The following LRRC4C variants were observed in gnomAD, a reference collection of about 807,000 sequenced individuals.
LRRC4C encodes leucine-rich repeat-containing protein 4C.
LRRC4C carries 5 observed loss-of-function variants against 33.6 expected under a neutral mutation model. That is an observed-to-expected ratio of 0.15 (90% CI 0.08 to 0.31). LRRC4C has a LOEUF of 0.31. LRRC4C is among the 10% of genes least tolerant of loss of function. The pLI, the probability that LRRC4C is intolerant of heterozygous loss-of-function variation, is 1.00. For missense variants in LRRC4C, 560 were observed against 796.7 expected (o/e 0.70, Z 3.58); for synonymous variants, 329 against 302.0 (o/e 1.09, Z -0.93).
chr11:40,880,344 C>G (rs1283276971), intron 2 of LRRC4C, among the ~76,000 whole-genome samples: 1 of 152,056 alleles, frequency 6.6e-6, no homozygotes, highest in East Asian at 1.9e-4. Context: ...CATTAAGTCA[C>G]TAAACTCTGA....
chr11:41,304,099 C>T (rs1392353435), intron 1 of LRRC4C, among the ~76,000 whole-genome samples: 3 of 74,786 alleles, frequency 4.0e-5, no homozygotes, highest in African/African-American at 1.0e-4. Context: ...TGAGGGGCGC[C>T]TCTGCCCGGC....
chr11:40,282,104 T>G (rs1430638059), intron 4 of LRRC4C, among the ~76,000 whole-genome samples: 1 of 152,166 alleles, frequency 6.6e-6, no homozygotes, highest in East Asian at 1.9e-4. Flanking sequence ...TCTTTCGCAC[T>G]TTTGGAGGCC....
chr11:41,162,770 C>T (rs1944531321), intron 1 of LRRC4C, among the ~76,000 whole-genome samples: 1 of 152,112 alleles, frequency 6.6e-6, no homozygotes, highest in African/African-American at 2.4e-5. Flanking sequence ...TTGGGAGAGC[C>T]AGTGAATGAA....
chr11:41,043,604 A>G (rs148235546), intron 1 of LRRC4C, among the ~76,000 whole-genome samples: 1 of 151,252 alleles, frequency 6.6e-6, no homozygotes, highest in East Asian at 2.0e-4. Context: ...AGAAAACTCA[A>G]TTACTCTTAC....
Position 41,025,453 on chromosome 11 carries a change from T to C in LRRC4C, c.-495-91730A>G, listed in dbSNP as rs946536346. ...TAAAAGATCAAGCAAACCACAACAT[T>C]CCCTAAATGAAAGACTAATCCAGAC... On this transcript the variant is annotated intron_variant, in intron 1 of 6. Coordinates refer to ENST00000528697, the MANE Select transcript of LRRC4C (RefSeq NM_001258419.2). 6.1e-4 allele frequency among the ~76,000 whole-genome samples: 93 copies of C among 151,466 alleles called. 1 individual carries two copies. The highest frequency in any genetic ancestry group is 2.1e-3 in the African/African-American group (88 of 41,374).
intron 1 of LRRC4C, among the ~76,000 whole-genome samples, chr11:41,191,154 A>G (rs1227250670): frequency 6.6e-6 from 1 of 152,154 alleles, no homozygotes; most frequent in Non-Finnish European, 1.5e-5. Flanking sequence ...ATTGCTTTGC[A>G]TTTGGTCCCA....
At chr11:40,679,152 C>T (rs545384456) in intron 2 of LRRC4C, among the ~76,000 whole-genome samples, 18 of 152,078 alleles carry the variant, frequency 1.2e-4, no homozygotes, top group Non-Finnish European at 2.2e-4. Context: ...TTTGCCCCTG[C>T]GCTATAGATT....
chr11:40,778,414 A>G (rs1192775064), intron 2 of LRRC4C, among the ~76,000 whole-genome samples: 1 of 152,250 alleles, frequency 6.6e-6, no homozygotes, highest in Non-Finnish European at 1.5e-5. Flanking sequence ...CAGATGAGGA[A>G]ACTGAAGTGC....
At chr11:40,630,062 A>T (rs1031979768) in intron 3 of LRRC4C, among the ~76,000 whole-genome samples, 8 of 152,112 alleles carry the variant, frequency 5.3e-5, no homozygotes, top group African/African-American at 1.7e-4. Context: ...ATCATAAAAT[A>T]ATTATTTTGA....
At chr11:40,945,272 G>A (rs1227833277) in intron 1 of LRRC4C, among the ~76,000 whole-genome samples, 1 of 151,558 alleles carries the variant, frequency 6.6e-6, no homozygotes, top group Admixed American at 6.6e-5. Flanking sequence ...CACCCGTCTC[G>A]GCCTCCCAAA....
At chr11:41,172,892 G>A (rs1466490129) in intron 1 of LRRC4C, among the ~76,000 whole-genome samples, 2 of 151,908 alleles carry the variant, frequency 1.3e-5, no homozygotes, top group Admixed American at 6.6e-5. Context: ...AAATGGAAGG[G>A]GCCTTAGATA....
intron 1 of LRRC4C, among the ~76,000 whole-genome samples, chr11:41,282,952 C>G (rs1949718157): frequency 6.6e-6 from 1 of 152,046 alleles, no homozygotes; most frequent in Non-Finnish European, 1.5e-5. Context: ...CCAGAGCCAA[C>G]AGGGGAGAAA....
At chr11:40,218,027 AT>A (rs770382627) in intron 5 of LRRC4C, among the ~76,000 whole-genome samples, 6 of 152,140 alleles carry the variant, frequency 3.9e-5, no homozygotes, top group Non-Finnish European at 8.8e-5. Flanking sequence ...AAAGTCCATT[AT>A]ATTGTGGCTA....
intron 5 of LRRC4C, among the ~76,000 whole-genome samples, chr11:40,169,715 T>G (rs1222781393): frequency 2.0e-5 from 3 of 152,168 alleles, no homozygotes; most frequent in Admixed American, 2.0e-4. Flanking sequence ...CTATTCTAGA[T>G]CTTACTCCAT....
chr11:40,495,793 T>C (rs932411400), intron 3 of LRRC4C, among the ~76,000 whole-genome samples: 1 of 147,920 alleles, frequency 6.8e-6, no homozygotes, highest in Non-Finnish European at 1.5e-5. Context: ...ATCGATTTTA[T>C]TGAAGTTCTC....
chr11:41,378,201 G>A (rs1413213995), intron 1 of LRRC4C, among the ~76,000 whole-genome samples: 1 of 151,996 alleles, frequency 6.6e-6, no homozygotes, highest in Admixed American at 6.6e-5. Flanking sequence ...AAGGCCAGTA[G>A]GACTTTAATC....
At chr11:41,240,822 C>T (rs774401605) in intron 1 of LRRC4C, among the ~76,000 whole-genome samples, 4 of 151,890 alleles carry the variant, frequency 2.6e-5, no homozygotes, top group Non-Finnish European at 5.9e-5. Flanking sequence ...AACACACACG[C>T]ACACACACAC....
intron 1 of LRRC4C, among the ~76,000 whole-genome samples, chr11:41,227,193 C>T (rs1024753047): frequency 2.6e-5 from 4 of 151,954 alleles, no homozygotes; most frequent in African/African-American, 4.8e-5. Flanking sequence ...ATATATTGGA[C>T]ACATATTTTC....
intron 1 of LRRC4C, among the ~76,000 whole-genome samples, chr11:41,294,094 T>C (rs1209883948): frequency 6.6e-6 from 1 of 152,142 alleles, no homozygotes; most frequent in African/African-American, 2.4e-5. Context: ...TTCGAAGTGG[T>C]GTGAAAGACT....
Sources: allele counts gnomAD v4.1 joint callset (sites outside exome capture counted in the v4.1 genomes callset), GRCh38; gene constraint gnomAD v4.1.1; transcripts MANE v1.5; gene names NCBI Gene and HGNC (gene_info 2026-07-23, HGNC 2026-07-21).